The following TUSC3 variants were observed in gnomAD, a reference collection of about 807,000 sequenced individuals.
TUSC3 encodes dolichyl-diphosphooligosaccharide--protein glycosyltransferase subunit TUSC3.
A neutral mutation model predicts 44.8 loss-of-function variants in TUSC3; 45 were observed. The observed-to-expected ratio is 1.00, with a 90% CI of 0.79 to 1.29. The LOEUF is 1.29. Ranked by LOEUF, TUSC3 falls within the 50% of genes most tolerant of loss-of-function variation. The pLI, the probability that TUSC3 is intolerant of heterozygous loss-of-function variation, is 0.00. For missense variants in TUSC3, 519 were observed against 437.9 expected (o/e 1.19, Z -1.65); for synonymous variants, 212 against 152.9 (o/e 1.39, Z -2.85).
intron 2 of TUSC3, among the ~76,000 whole-genome samples, chr8:15,502,172 T>A (rs1800975772): frequency 6.6e-6 from 1 of 152,250 alleles, no homozygotes; most frequent in African/African-American, 2.4e-5. Context: ...TAAGTCAAAT[T>A]GCAAACTATG....
chr8:15,672,975 C>T (rs116533888), intron 5 of TUSC3, among the ~76,000 whole-genome samples: 1 of 152,000 alleles, frequency 6.6e-6, no homozygotes, highest in South Asian at 2.1e-4. Context: ...CTGTTTTAAC[C>T]TAGAGAACAC....
intron 2 of TUSC3, among the ~76,000 whole-genome samples, chr8:15,532,912 C>T (rs761971777): frequency 6.6e-6 from 1 of 152,200 alleles, no homozygotes; most frequent in Non-Finnish European, 1.5e-5. Flanking sequence ...CCTGCCTCCA[C>T]TTCTTGAGTA....
intron 1 of TUSC3, chr8:15,561,752 G>C (rs907671884): frequency 6.9e-6 from 1 of 145,228 alleles, no homozygotes; most frequent in African/African-American, 2.5e-5. Context: ...ATTCGGGTAT[G>C]AGTGACCCGA....
At chr8:15,565,801 C>T (rs761098538) in intron 1 of TUSC3, among the ~76,000 whole-genome samples, 19 of 152,000 alleles carry the variant, frequency 1.3e-4, no homozygotes, top group African/African-American at 3.4e-4. Context: ...CCATGTGTTG[C>T]GGATGGCAGA....
the TUSC3 span, among the ~76,000 whole-genome samples, chr8:15,818,728 G>A: frequency 0.011 from 1,650 of 152,316 alleles, 38 homozygotes; most frequent in African/African-American, 0.038. Context: ...TGCTTCAAAT[G>A]ACTTATTCTT....
At chr8:15,488,494 C>G (rs1800764031) in intron 2 of TUSC3, among the ~76,000 whole-genome samples, 1 of 151,934 alleles carries the variant, frequency 6.6e-6, no homozygotes, top group Non-Finnish European at 1.5e-5. Context: ...AGAGTAAGAC[C>G]CTCTCTCAAA....
the TUSC3 span, among the ~76,000 whole-genome samples, chr8:15,810,651 G>T: frequency 2.0e-5 from 3 of 151,676 alleles, no homozygotes; most frequent in Non-Finnish European, 4.4e-5. Flanking sequence ...GCCAAGGAGG[G>T]GGGGCGGGAA....
At chr8:15,706,459 A>G (rs1244916475) in intron 6 of TUSC3, among the ~76,000 whole-genome samples, 1 of 152,062 alleles carries the variant, frequency 6.6e-6, no homozygotes, top group Non-Finnish European at 1.5e-5. Flanking sequence ...CAATTAAGAA[A>G]GAACCCTTCA....
intron 6 of TUSC3, among the ~76,000 whole-genome samples, chr8:15,711,182 G>A (rs1809833483): frequency 6.6e-6 from 1 of 151,354 alleles, no homozygotes; most frequent in African/African-American, 2.4e-5. Flanking sequence ...AAAAAGTAAT[G>A]AAACACTTCT....
At chr8:15,540,005 A>T (rs1163506851), upstream of TUSC3, among the ~76,000 whole-genome samples, 1 of 152,152 alleles carries the variant, frequency 6.6e-6, no homozygotes, top group Admixed American at 6.5e-5. Context: ...ATCATCCAAG[A>T]AGGCATTCAG....
intron 2 of TUSC3, among the ~76,000 whole-genome samples, chr8:15,625,836 G>T (rs1805482761): frequency 6.6e-6 from 1 of 152,188 alleles, no homozygotes; most frequent in Admixed American, 6.5e-5. Flanking sequence ...AGAGAACATG[G>T]TGAGCAAAAT....
chr8:15,771,128 C>T (rs945096696), downstream of TUSC3, among the ~76,000 whole-genome samples: 3 of 152,066 alleles, frequency 2.0e-5, no homozygotes, highest in Non-Finnish European at 2.9e-5. Context: ...AAACCATCGG[C>T]CAAGAATTCT....
chr8:15,800,305 T>C, the TUSC3 span, among the ~76,000 whole-genome samples: 1 of 152,170 alleles, frequency 6.6e-6, no homozygotes, highest in East Asian at 1.9e-4. Flanking sequence ...ATGGTAGCTC[T>C]TGCCTGTAAT....
chr8:15,567,620 A>G (rs1802725515), intron 1 of TUSC3, among the ~76,000 whole-genome samples: 1 of 152,110 alleles, frequency 6.6e-6, no homozygotes, highest in South Asian at 2.1e-4. Flanking sequence ...CCTTTGTCAT[A>G]TGTAAGATTG....
chr8:15,734,407 A>G (rs1489734261), intron 7 of TUSC3, among the ~76,000 whole-genome samples: 2 of 152,210 alleles, frequency 1.3e-5, no homozygotes, highest in Non-Finnish European at 2.9e-5. Context: ...ATCTTATTTA[A>G]GAAAACAATC....
intron 6 of TUSC3, among the ~76,000 whole-genome samples, chr8:15,678,204 G>A (rs910929569): frequency 2.0e-5 from 3 of 152,138 alleles, no homozygotes; most frequent in African/African-American, 7.2e-5. Context: ...TTTGCTGAGT[G>A]CTGTTCTCTT....
In TUSC3 at chr8:15,764,470, G is replaced by T; in HGVS notation, c.*314G>T. The T allele has an allele frequency of 4.8e-6, 2 of 414,850 alleles. No individual in the cohort carries two copies. Among genetic ancestry groups the T allele is most frequent in the Admixed American group, 3.9e-5 (1 of 25,414 alleles). The allele number at this position is 414,850 out of a possible 1,614,324, so 25.7% of individuals were successfully genotyped here. The stretch of plus-strand genomic sequence containing the variant: ...TGTGTGCCACAGGATTGAAATAAAT[G>T]ACAATGTAATTATGAATTCATGTTT... On this transcript the variant is annotated 3_prime_UTR_variant, in exon 11 of 11. Transcript: ENST00000503731.
At chr8:15,474,160 C>T (rs182924944) in intron 1 of TUSC3, among the ~76,000 whole-genome samples, 310 of 152,316 alleles carry the variant, frequency 2.0e-3, no homozygotes, top group Non-Finnish European at 3.7e-3. Flanking sequence ...AAAAATATGG[C>T]TCTGTTTTGC....
chr8:15,523,652 ATATATATATATATGTGTGTGTGTGTG>A (rs1380221633), intron 2 of TUSC3, among the ~76,000 whole-genome samples: 23 of 28,358 alleles, frequency 8.1e-4, no homozygotes, highest in Non-Finnish European at 1.1e-3. Flanking sequence ...ATATATATAT[ATATATATATATATGTGTGTGTGTGTG>A]TGTGTGTGTG....
Sources: gnomAD v4.1 joint callset for allele counts (sites outside exome capture counted in the v4.1 genomes callset) on GRCh38, gnomAD v4.1.1 for gene constraint, MANE v1.5 for transcripts, NCBI Gene and HGNC (gene_info 2026-07-23, HGNC 2026-07-21) for gene names.